Variants in SLIT1 observed in about 807,000 individuals in gnomAD.
SLIT1 encodes slit homolog 1 protein.
SLIT1 carries 66 observed loss-of-function variants against 186.1 expected under a neutral mutation model. The ratio of observed to expected loss-of-function variants is 0.35; its 90% CI spans 0.29 to 0.44. The LOEUF (loss-of-function observed/expected upper bound fraction) is 0.44. Ranked by LOEUF, SLIT1 falls within the 20% of genes least tolerant of loss-of-function variation. SLIT1 has a pLI of 1.00. For missense variants in SLIT1, 1,638 were observed against 2,037.4 expected (o/e 0.80, Z 3.77); for synonymous variants, 761 against 833.8 (o/e 0.91, Z 1.50).
At chr10:97,152,160 C>T (rs1849888098) in intron 4 of SLIT1, among the ~76,000 whole-genome samples, 1 of 152,176 alleles carries the variant, frequency 6.6e-6, no homozygotes, top group Non-Finnish European at 1.5e-5. Flanking sequence ...AGCCCGGGCA[C>T]TGACTGTGCC....
At chr10:97,018,924 G>T in intron 27 of SLIT1, 59 bp downstream of exon 27, 1 of 1,048,410 alleles carries the variant, frequency 9.5e-7, no homozygotes, top group Non-Finnish European at 1.5e-6. Context: ...GGGCCCTGGG[G>T]ACAGCCCTGC....
chr10:97,029,297 G>A (rs1848571430), intron 25 of SLIT1, among the ~76,000 whole-genome samples: 1 of 152,220 alleles, frequency 6.6e-6, no homozygotes, highest in Non-Finnish European at 1.5e-5. Flanking sequence ...TAGAAAAGGT[G>A]AGTCTTAGAG....
chr10:97,055,428 C>A (rs1479529404), intron 13 of SLIT1, among the ~76,000 whole-genome samples: 4 of 152,014 alleles, frequency 2.6e-5, no homozygotes, highest in African/African-American at 9.7e-5. Flanking sequence ...GGGGTGTGGC[C>A]ACATGTCACT....
intron 12 of SLIT1, 75 bp downstream of exon 12, chr10:97,057,135 G>A (rs1190013576): frequency 6.7e-6 from 8 of 1,199,012 alleles, no homozygotes; most frequent in Non-Finnish European, 9.8e-6. Context: ...GAGGCCTAAA[G>A]GGACAGTCTA....
intron 4 of SLIT1, among the ~76,000 whole-genome samples, chr10:97,090,378 G>A (rs1295139911): frequency 6.6e-6 from 1 of 152,140 alleles, no homozygotes; most frequent in Admixed American, 6.5e-5. Flanking sequence ...CAGGCACAAA[G>A]GCCGTGAGGT....
chr10:97,157,271 G>A (rs1166005098), intron 4 of SLIT1: 1 of 152,256 alleles, frequency 6.6e-6, no homozygotes, highest in Non-Finnish European at 1.5e-5. Flanking sequence ...GACACATGTG[G>A]CAAATCATGG....
At chr10:97,059,116 G>A (rs1564664548) in intron 11 of SLIT1, among the ~76,000 whole-genome samples, 1 of 152,228 alleles carries the variant, frequency 6.6e-6, no homozygotes, top group Non-Finnish European at 1.5e-5. Context: ...CAGCATGCTG[G>A]GCTTCGGGCG....
chr10:97,021,466 C>T lies in SLIT1; in HGVS notation c.2583-53G>A, dbSNP rs1848501656. 1.3e-6 allele frequency: 2 copies of T among 1,546,804 alleles called. No individual in the cohort carries two copies. Among genetic ancestry groups the T allele is most frequent in the Non-Finnish European group, 1.8e-6 (2 of 1,137,628 alleles). On this transcript the variant is annotated intron_variant, in intron 25 of 36. Transcript: ENST00000266058. The surrounding 1 kb of genome is among the most constrained non-coding windows in gnomAD (Gnocchi z 4.5). ...ATTACAGCTTCATGGGGTCCCTCGCCCACTGGGAACCTAGAGTCCCAGGCA... is the reference window on the plus strand; with the variant it reads ...ATTACAGCTTCATGGGGTCCCTCGCTCACTGGGAACCTAGAGTCCCAGGCA...
At chr10:97,117,834 T>C (rs1163058201) in intron 4 of SLIT1, among the ~76,000 whole-genome samples, 2 of 152,206 alleles carry the variant, frequency 1.3e-5, no homozygotes, top group Admixed American at 6.5e-5. Flanking sequence ...ACCTCTGAAG[T>C]CACTGCCGGC....
intron 1 of SLIT1, among the ~76,000 whole-genome samples, chr10:97,170,601 T>A (rs1347946045): frequency 6.6e-6 from 1 of 152,168 alleles, no homozygotes; most frequent in Non-Finnish European, 1.5e-5. Flanking sequence ...GCGTTCTCCC[T>A]CTTCCAAAAG....
chr10:97,066,021 T>C lies in SLIT1; in HGVS notation c.479A>G (p.Lys160Arg), dbSNP rs143216583. ...CTCCCAGGCCTGTACTCACAAATTT[T>C]TAAGGTCCGTAGCTCCCCGAAAAGC... is the stretch of plus-strand genomic sequence containing the variant. ...RKAFRGATDL[K>R]NLQLDKNQIS... The change falls in exon 5 of 37, where the codon AAA becomes AGA. Residue 160 changes from lysine (K) to arginine (R), a missense_variant. By Grantham distance (26) the Lys-to-Arg change is conservative. Coordinates refer to ENST00000266058, the MANE Select transcript of SLIT1 (RefSeq NM_003061.3). 1.2e-6 allele frequency: 2 copies of C among 1,602,456 alleles called. No individual in the cohort carries two copies. Among genetic ancestry groups the C allele is most frequent in the African/African-American group, 1.3e-5 (1 of 74,832 alleles).
At chr10:97,116,715 T>TGGGAGAGGCTGGG (rs1283689839) in intron 4 of SLIT1, among the ~76,000 whole-genome samples, 1 of 152,206 alleles carries the variant, frequency 6.6e-6, no homozygotes, top group African/African-American at 2.4e-5. Flanking sequence ...GCCTCCTCTC[T>TGGGAGAGGCTGGG]GGTGCAGGCT....
intron 25 of SLIT1, among the ~76,000 whole-genome samples, chr10:97,028,650 G>T (rs1320010330): frequency 5.3e-5 from 8 of 152,158 alleles, no homozygotes; most frequent in Non-Finnish European, 1.2e-4. Context: ...GAAGCCCCTT[G>T]GACTTGCCCA....
chr10:97,084,432 A>G (rs1035077505), intron 4 of SLIT1, among the ~76,000 whole-genome samples: 2 of 152,148 alleles, frequency 1.3e-5, no homozygotes, highest in Non-Finnish European at 2.9e-5. Flanking sequence ...CTGTGTGTAG[A>G]GTGAATGAGG....
intron 21 of SLIT1, among the ~76,000 whole-genome samples, chr10:97,038,920 T>C (rs1262415908): frequency 6.6e-6 from 1 of 152,178 alleles, no homozygotes; most frequent in Non-Finnish European, 1.5e-5. Context: ...TTCACCATCT[T>C]CAGTCAAAGA....
rs376919499 is a variant in SLIT1 at position 97,184,608 on chromosome 10, T to C, written c.197+870A>G. 6.6e-6 allele frequency among the ~76,000 whole-genome samples: 1 copy of C among 152,240 alleles called. No individual in the cohort carries two copies. The highest frequency in any genetic ancestry group is 6.5e-5 in the Admixed American group (1 of 15,296). On this transcript the variant is annotated intron_variant, in intron 1 of 36. Transcript: ENST00000266058. The surrounding 1 kb of genome is among the most constrained non-coding windows in gnomAD (Gnocchi z 4.4). ...CCAAACACACACACACACATTCTAC[T>C]AGCTTACTGGGTCTAGAAAAGAAAA... is the stretch of plus-strand genomic sequence containing the variant.
chr10:97,047,982 A>AG lies in SLIT1; in HGVS notation c.1479dup (p.Phe494LeufsTer27). On this transcript the variant is annotated frameshift_variant, in exon 15 of 37. Transcript: ENST00000266058. LOFTEE classifies it high-confidence loss of function. ...CCCCCCACTCTCCTACCTGGAATGA[A>AG]GTACTGCTCTTTGGCTGGGAAGAGA... 1 of 1,614,170 alleles carries AG rather than the reference A, an allele frequency of 6.2e-7. No individual in the cohort carries two copies. Among genetic ancestry groups the AG allele is most frequent in the South Asian group, 1.1e-5 (1 of 91,080 alleles).
intron 22 of SLIT1, 62 bp downstream of exon 22, chr10:97,037,636 G>T: frequency 7.7e-7 from 1 of 1,305,294 alleles, no homozygotes; most frequent in South Asian, 1.2e-5. Flanking sequence ...TTCCAGGAAA[G>T]CCGGAGTCCT....
At chr10:97,085,074 C>T (rs1262837579) in intron 4 of SLIT1, among the ~76,000 whole-genome samples, 3 of 152,034 alleles carry the variant, frequency 2.0e-5, no homozygotes, top group African/African-American at 7.2e-5. Flanking sequence ...CAGGCACCTG[C>T]TACCACACCC....
Sources: allele counts gnomAD v4.1 joint callset (sites outside exome capture counted in the v4.1 genomes callset), GRCh38; gene constraint gnomAD v4.1.1; non-coding constraint Gnocchi (gnomAD v3.1); transcripts MANE v1.5; gene names NCBI Gene and HGNC (gene_info 2026-07-23, HGNC 2026-07-21).